The following COBL variants were observed in gnomAD, a reference collection of about 807,000 sequenced individuals.
The protein encoded by COBL is cordon-bleu WH2 repeat protein, also known as protein cordon-bleu.
A neutral mutation model predicts 98.8 loss-of-function variants in COBL; 51 were observed. The ratio of observed to expected loss-of-function variants is 0.52; its 90% CI spans 0.41 to 0.65. The LOEUF is 0.65. Ranked by LOEUF, COBL falls within the 30% of genes least tolerant of loss-of-function variation. The pLI is 0.00. For missense variants in COBL, 1,617 were observed against 1,617.5 expected (o/e 1.00, Z 0.01); for synonymous variants, 634 against 651.7 (o/e 0.97, Z 0.41).
chr7:51,256,406 T>C lies in COBL; in HGVS notation c.42-36462A>G, dbSNP rs546103872. Among the ~76,000 whole-genome samples the C allele has an allele frequency of 2.0e-5, 3 of 152,302 alleles. No homozygotes were observed. The East Asian group carries it at 5.8e-4, about 29-fold the overall frequency. Reference sequence around the variant, plus strand: ...CCAGGGCCACAAGCAAGTCTTTGTGTGTCAGGAGGGCCCACTGCTGGGGCT... The same window carrying C: ...CCAGGGCCACAAGCAAGTCTTTGTGCGTCAGGAGGGCCCACTGCTGGGGCT... On this transcript the variant is annotated intron_variant, in intron 1 of 12. Transcript: ENST00000265136.
chr7:51,164,843 A>G lies in COBL; in HGVS notation c.783+19259T>C, dbSNP rs559117188. Among the ~76,000 whole-genome samples, 3 of 152,270 alleles carry G rather than the reference A, an allele frequency of 2.0e-5. No individual in the cohort carries two copies. The South Asian group carries it at 6.2e-4, about 32-fold the overall frequency. ...ATAGACAGTACAATAAGATATAAAT[A>G]GAAACAACGAAAAGTAAAAAAGTGG... is the stretch of plus-strand genomic sequence containing the variant. On this transcript the variant is annotated intron_variant, in intron 5 of 12. Coordinates refer to ENST00000265136, the MANE Select transcript of COBL (RefSeq NM_015198.5).
chr7:51,247,504 T>G (rs1054318989), intron 1 of COBL, among the ~76,000 whole-genome samples: 1 of 152,174 alleles, frequency 6.6e-6, no homozygotes, highest in African/African-American at 2.4e-5. Context: ...ATTGGGGAGA[T>G]GGTGGCTTTA....
At chr7:51,074,399 T>C (rs766910141) in intron 7 of COBL, among the ~76,000 whole-genome samples, 4 of 152,134 alleles carry the variant, frequency 2.6e-5, no homozygotes, top group African/African-American at 4.8e-5. Flanking sequence ...TTTCACTATA[T>C]TGGCCAGGAT....
At chr7:51,229,635 C>A (rs992521471) in intron 1 of COBL, among the ~76,000 whole-genome samples, 2 of 152,210 alleles carry the variant, frequency 1.3e-5, no homozygotes, top group African/African-American at 2.4e-5. Flanking sequence ...GCAATTCTTG[C>A]CACCTCTCAG....
chr7:51,267,630 A>G (rs977215310), intron 1 of COBL, among the ~76,000 whole-genome samples: 1 of 152,190 alleles, frequency 6.6e-6, no homozygotes, highest in Non-Finnish European at 1.5e-5. Flanking sequence ...GCTGGAGTAC[A>G]GTAGCGCAAT....
chr7:51,221,358 G>A (rs1194562600), intron 1 of COBL, among the ~76,000 whole-genome samples: 2 of 152,140 alleles, frequency 1.3e-5, no homozygotes, highest in East Asian at 3.9e-4. Flanking sequence ...CAGCATTGTG[G>A]GAGGCTCAAA....
chr7:51,181,194 T>C (rs1788913370), intron 5 of COBL, among the ~76,000 whole-genome samples: 1 of 152,182 alleles, frequency 6.6e-6, no homozygotes, highest in African/African-American at 2.4e-5. Flanking sequence ...CGTTTAATCA[T>C]CAATGCTTTC....
At chr7:51,020,982 C>G (rs1452931230) in intron 12 of COBL, 1 of 152,156 alleles carries the variant, frequency 6.6e-6, no homozygotes, top group Non-Finnish European at 1.5e-5. Context: ...GTTGGGTGAC[C>G]AATCACCCAA....
chr7:51,055,896 A>C (rs1222760533), intron 7 of COBL, among the ~76,000 whole-genome samples: 1 of 152,266 alleles, frequency 6.6e-6, no homozygotes, highest in Non-Finnish European at 1.5e-5. Flanking sequence ...ACGGACGACC[A>C]GTTTTAAAAA....
At chr7:51,065,368 G>C in intron 7 of COBL, 1 of 703,642 alleles carries the variant, frequency 1.4e-6, no homozygotes, top group East Asian at 2.7e-5. Context: ...CATCCACAGG[G>C]TTCTTGGCTT....
intron 7 of COBL, among the ~76,000 whole-genome samples, chr7:51,067,694 T>C (rs191034973): frequency 3.0e-4 from 46 of 152,366 alleles, no homozygotes; most frequent in African/African-American, 1.0e-3. Flanking sequence ...TTCCCCTCTT[T>C]GTAAATGAGA....
At chr7:51,023,038 C>T (rs111624935) in intron 12 of COBL, 53 of 152,276 alleles carry the variant, frequency 3.5e-4, no homozygotes, top group Middle Eastern at 3.4e-3. Flanking sequence ...TGATCCCAAT[C>T]GCACTGCTTC....
At chr7:51,267,098 C>T (rs1041374592) in intron 1 of COBL, among the ~76,000 whole-genome samples, 6 of 152,158 alleles carry the variant, frequency 3.9e-5, no homozygotes, top group Admixed American at 6.5e-5. Flanking sequence ...CGCATAAATA[C>T]AGAGGCCACA....
chr7:51,190,548 C>T (rs1584112549), intron 4 of COBL, among the ~76,000 whole-genome samples: 1 of 152,188 alleles, frequency 6.6e-6, no homozygotes, highest in African/African-American at 2.4e-5. Flanking sequence ...GTAGTTACTT[C>T]AGAGCATAAG....
intron 2 of COBL, among the ~76,000 whole-genome samples, chr7:51,212,245 GACTTC>G (rs1792528571): frequency 1.3e-5 from 2 of 152,054 alleles, no homozygotes; most frequent in African/African-American, 4.8e-5. Flanking sequence ...TTGAGTCAGT[GACTTC>G]AATTAGAAAA....
chr7:51,147,318 G>T (rs1785121881), intron 5 of COBL, among the ~76,000 whole-genome samples: 1 of 152,252 alleles, frequency 6.6e-6, no homozygotes, highest in South Asian at 2.1e-4. Flanking sequence ...CTTGTTACTT[G>T]GTGCTGTAAA....
intron 5 of COBL, among the ~76,000 whole-genome samples, chr7:51,174,789 T>C (rs949948448): frequency 5.3e-5 from 8 of 152,204 alleles, no homozygotes; most frequent in African/African-American, 1.7e-4. Flanking sequence ...CTTATAACCA[T>C]GGCTGAATCT....
intron 1 of COBL, among the ~76,000 whole-genome samples, chr7:51,251,163 G>A (rs974588715): frequency 2.0e-5 from 3 of 152,106 alleles, no homozygotes; most frequent in Admixed American, 6.5e-5. Flanking sequence ...GCAGAGGACC[G>A]GGGTCGAACC....
At chr7:51,086,570 G>T (rs1165208599) in intron 6 of COBL, among the ~76,000 whole-genome samples, 1 of 151,820 alleles carries the variant, frequency 6.6e-6, no homozygotes, top group African/African-American at 2.4e-5. Context: ...ATTAACTCAT[G>T]CTTGCACCAT....
Sources: allele counts gnomAD v4.1 joint callset (sites outside exome capture counted in the v4.1 genomes callset), GRCh38; gene constraint gnomAD v4.1.1; transcripts MANE v1.5; gene names NCBI Gene and HGNC (gene_info 2026-07-23, HGNC 2026-07-21).